Variants in IL13RA1 observed in about 807,000 individuals in gnomAD.
IL13RA1 encodes the protein interleukin-13 receptor subunit alpha-1.
In IL13RA1, 14 loss-of-function variants were observed where a neutral mutation model predicts 33.8. The ratio of observed to expected loss-of-function variants is 0.41; its 90% CI spans 0.27 to 0.65. The LOEUF is 0.65. IL13RA1 is among the 30% of genes least tolerant of loss of function. IL13RA1 has a pLI of 0.28. For missense variants in IL13RA1, 313 were observed against 327.0 expected, an observed-to-expected ratio of 0.96 and a Z score of 0.33; for synonymous variants, 116 against 115.7, an observed-to-expected ratio of 1.00 and a Z score of -0.02.
chrX:118,761,284 T>C lies in IL13RA1; in HGVS notation c.823T>C (p.Phe275Leu). The C allele has an allele frequency of 1.0e-6, 1 of 989,238 alleles. No individual in the cohort carries two copies. Among genetic ancestry groups the C allele is most frequent in the African/African-American group, 1.9e-5 (1 of 52,122 alleles). 81.5% of individuals were successfully genotyped at this position (989,238 alleles called of 1,213,427 possible). The change falls in exon 6 of 11, where the codon TTC becomes CTC. Residue 275 changes from phenylalanine (F) to leucine (L), a missense_variant. Phe to Leu is a conservative substitution (Grantham distance 22). Coordinates refer to ENST00000371666, the MANE Select transcript of IL13RA1 (RefSeq NM_001560.3). ...CAGCCAAACTGAGACACATAATGTT[T>C]TCTACGTAAGGTTTTAAAATTATTG... is the stretch of plus-strand genomic sequence containing the variant. The part of the protein sequence containing the change: ...NNSQTETHNV[F>L]YVQEAKCENP...
At chrX:118,790,844 A>C (rs141573089) in intron 10 of IL13RA1, among the ~76,000 whole-genome samples, 1,698 of 112,073 alleles carry the variant, frequency 0.015, 63 homozygotes, top group East Asian at 0.11. Context: ...TTCTAAGAAC[A>C]TCTGTGCAGA....
chrX:118,730,637 G>A (rs973236143), intron 1 of IL13RA1, among the ~76,000 whole-genome samples: 2 of 111,513 alleles, frequency 1.8e-5, no homozygotes, highest in Non-Finnish European at 3.8e-5. Context: ...CTCTGAGTCC[G>A]GCACAGCATG....
At position 118,746,973 on chromosome X, in the gene IL13RA1, G is replaced by A. The variant is rs751816617; in HGVS notation, c.248G>A (p.Arg83His). ...KQDKKIAPET[R>H]RSIEVPLNER... ...CCTTAGAAAATAGCTCCGGAAACTCGTCGTTCAATAGAAGTACCCCTGAAT... is the reference window on the plus strand; with the variant it reads ...CCTTAGAAAATAGCTCCGGAAACTCATCGTTCAATAGAAGTACCCCTGAAT... Residue 83 changes from arginine (R) to histidine (H), a missense_variant, in exon 3 of 11, where the codon CGT becomes CAT. Arg to His is a conservative substitution (Grantham distance 29). Coordinates refer to ENST00000371666, the MANE Select transcript of IL13RA1 (RefSeq NM_001560.3). 29 of 1,188,345 alleles carry A rather than the reference G, an allele frequency of 2.4e-5. No individual in the cohort carries two copies. In the Middle Eastern group the frequency reaches 9.3e-4, roughly 38 times the overall value.
At chrX:118,783,351 G>C (rs1163543713) in intron 10 of IL13RA1, among the ~76,000 whole-genome samples, 2 of 111,822 alleles carry the variant, frequency 1.8e-5, no homozygotes, top group Admixed American at 1.9e-4. Flanking sequence ...AGTAAGGATT[G>C]AATTTTGGGC....
chrX:118,796,816 G>A (rs1392130143), downstream of IL13RA1, among the ~76,000 whole-genome samples: 8 of 112,906 alleles, frequency 7.1e-5, no homozygotes, highest in East Asian at 2.8e-4. Context: ...GATTACAGGC[G>A]TGAGCCACCG....
chrX:118,747,974 A>G (rs2017425574), intron 3 of IL13RA1, among the ~76,000 whole-genome samples: 1 of 102,710 alleles, frequency 9.7e-6, no homozygotes, highest in African/African-American at 3.6e-5. Flanking sequence ...TATGTGAGGT[A>G]CTTAGAATAG....
At chrX:118,780,638 G>T (rs1372806531) in intron 10 of IL13RA1, among the ~76,000 whole-genome samples, 2 of 111,866 alleles carry the variant, frequency 1.8e-5, no homozygotes, top group Non-Finnish European at 3.8e-5. Context: ...AACAAGAGGG[G>T]GTAGGAGGTG....
At chrX:118,732,525 G>A (rs1379233061) in intron 1 of IL13RA1, among the ~76,000 whole-genome samples, 1 of 110,029 alleles carries the variant, frequency 9.1e-6, no homozygotes, top group African/African-American at 3.3e-5. Flanking sequence ...TTTACATTAG[G>A]TATATCTCCT....
At chrX:118,778,911 C>G (rs183235378) in intron 10 of IL13RA1, among the ~76,000 whole-genome samples, 5 of 111,928 alleles carry the variant, frequency 4.5e-5, no homozygotes, top group Admixed American at 3.8e-4. Context: ...AGTCACACAG[C>G]TAGTTGGTGG....
intron 10 of IL13RA1, among the ~76,000 whole-genome samples, chrX:118,783,908 G>A (rs1056252832): frequency 3.0e-5 from 3 of 100,691 alleles, no homozygotes; most frequent in African/African-American, 7.3e-5. Context: ...GTGAAACCCC[G>A]TCTACTAAAA....
In IL13RA1 at chrX:118,791,747, T is replaced by G. The variant is rs371219234; in HGVS notation, c.1192-15T>G. ...AGATATGTCATTGTGTATGTGTTTT[T>G]TTCCTCCCTTCTAGCACTGGAAGAA... On this transcript the variant is annotated splice_polypyrimidine_tract_variant and intron_variant, in intron 10 of 10. Transcript: ENST00000371666. The G allele has an allele frequency of 5.0e-5, 39 of 782,795 alleles. No individual in the cohort carries two copies. In the African/African-American group the frequency reaches 5.8e-4, roughly 12 times the overall value. The allele number at this position is 782,795 out of a possible 1,213,427, so 64.5% of individuals were successfully genotyped here. A position where few individuals can be genotyped will look rare whatever the true frequency, so the allele number is the denominator to read the frequency against.
At chrX:118,781,257 T>C (rs964158973) in intron 10 of IL13RA1, among the ~76,000 whole-genome samples, 1 of 111,852 alleles carries the variant, frequency 8.9e-6, no homozygotes, top group Non-Finnish European at 1.9e-5. Context: ...TTTTCAGCAT[T>C]GTGCCATTTT....
intron 10 of IL13RA1, among the ~76,000 whole-genome samples, chrX:118,783,175 C>G (rs932375438): frequency 1.5e-4 from 17 of 111,599 alleles, no homozygotes; most frequent in African/African-American, 4.9e-4. Context: ...CAAATTTATG[C>G]CTTTAAATTA....
At chrX:118,741,194 G>A in intron 2 of IL13RA1, 38 bp downstream of exon 2, 4 of 945,393 alleles carry the variant, frequency 4.2e-6, no homozygotes, top group Non-Finnish European at 6.1e-6. Context: ...ATGAGGTAAA[G>A]TGAACACTAT....
chrX:118,798,965 C>T (rs1394247590), downstream of IL13RA1, among the ~76,000 whole-genome samples: 3 of 112,262 alleles, frequency 2.7e-5, no homozygotes, highest in Non-Finnish European at 3.8e-5. Context: ...GGGAGAGGCA[C>T]GAGCGGGAAC....
intron 4 of IL13RA1, among the ~76,000 whole-genome samples, chrX:118,754,911 C>A (rs1402944483): frequency 9.2e-6 from 1 of 108,959 alleles, no homozygotes; most frequent in Non-Finnish European, 1.9e-5. Context: ...TTTCCCTAAC[C>A]CCCAACCATA....
rs184474564 is a variant in IL13RA1 at position 118,755,036 on chromosome X, C to T, written c.489-3019C>T. ...CGATCTCGGCTCACTGCAGCCTCTG[C>T]CTCCCGAGTTCCAGTGATTCTCCAG... On this transcript the variant is annotated intron_variant, in intron 4 of 10. Coordinates refer to ENST00000371666, the MANE Select transcript of IL13RA1 (RefSeq NM_001560.3). Among the ~76,000 whole-genome samples, 248 of 103,917 alleles carry T rather than the reference C, an allele frequency of 2.4e-3. 2 individuals carry two copies. Among genetic ancestry groups the T allele is most frequent in the Non-Finnish European group, 2.6e-3 (132 of 50,826 alleles). The allele number at this position is 103,917 out of a possible 115,157, so 90.2% of individuals were successfully genotyped here.
In IL13RA1 at chrX:118,792,956, G is replaced by A. The variant is rs1176969355; in HGVS notation, c.*1102G>A. 9.0e-6 allele frequency: 1 copy of A among 111,588 alleles called. No individual in the cohort carries two copies. The highest frequency in any genetic ancestry group is 1.9e-5 in the Non-Finnish European group (1 of 53,115). 9.2% of individuals were successfully genotyped at this position (111,588 alleles called of 1,213,427 possible). ...TGTCTTTGGTTTGTGCTAGGCCCCC[G>A]GGTGTGAAGCACAGACCCCTTCCAG... On this transcript the variant is annotated 3_prime_UTR_variant, in exon 11 of 11. Transcript: ENST00000371666.
chrX:118,797,396 C>T (rs2495638), downstream of IL13RA1, among the ~76,000 whole-genome samples: 18,698 of 111,080 alleles, frequency 0.17, 1,447 homozygotes, highest in East Asian at 0.43. Flanking sequence ...CTGTGGTCTA[C>T]CCAAATCAGG....
Sources: gnomAD v4.1 joint callset for allele counts (sites outside exome capture counted in the v4.1 genomes callset) on GRCh38, gnomAD v4.1.1 for gene constraint, MANE v1.5 for transcripts, NCBI Gene and HGNC (gene_info 2026-07-23, HGNC 2026-07-21) for gene names.